C12orf42: variants seen among roughly 807,000 people sequenced by gnomAD.
The protein encoded by C12orf42 is chromosome 12 open reading frame 42, also known as uncharacterized protein C12orf42.
A neutral mutation model predicts 21.6 loss-of-function variants in C12orf42; 25 were observed. The ratio of observed to expected loss-of-function variants is 1.16; its 90% CI spans 0.84 to 1.62. The LOEUF is 1.62. Ranked by LOEUF, C12orf42 falls within the 40% of genes most tolerant of loss-of-function variation. C12orf42 has a pLI of 0.00. For synonymous variants in C12orf42, 174 were observed against 175.0 expected (o/e 0.99, Z 0.05); for missense variants, 483 against 459.3 (o/e 1.05, Z -0.47).
intron 2 of C12orf42, among the ~76,000 whole-genome samples, chr12:103,435,746 C>A (rs1328446367): frequency 6.6e-6 from 1 of 151,894 alleles, no homozygotes; most frequent in Non-Finnish European, 1.5e-5. Flanking sequence ...AAATATGGGA[C>A]TATGTGAAAA....
At chr12:103,464,749 G>A (rs900618529) in intron 2 of C12orf42, among the ~76,000 whole-genome samples, 40 of 152,238 alleles carry the variant, frequency 2.6e-4, no homozygotes, top group South Asian at 1.7e-3. Flanking sequence ...TGTACAAGGC[G>A]TAAGGAAGGG....
chr12:103,331,135 T>C (rs934478490), intron 4 of C12orf42, among the ~76,000 whole-genome samples: 4 of 152,212 alleles, frequency 2.6e-5, no homozygotes, highest in African/African-American at 9.7e-5. Context: ...ATTTAATATA[T>C]CTAACTTACT....
chr12:103,163,507 AAG>A, the C12orf42 span, among the ~76,000 whole-genome samples: 1 of 152,178 alleles, frequency 6.6e-6, no homozygotes, highest in African/African-American at 2.4e-5. Flanking sequence ...TGAGCTCAGA[AAG>A]AGAGAACTAG....
intron 3 of C12orf42, among the ~76,000 whole-genome samples, chr12:103,375,596 T>C (rs1000296537): frequency 3.3e-5 from 5 of 152,204 alleles, no homozygotes; most frequent in Non-Finnish European, 5.9e-5. Flanking sequence ...TATTGCATCA[T>C]AGAAAATTAT....
the C12orf42 span, among the ~76,000 whole-genome samples, chr12:103,225,878 T>C: frequency 6.6e-6 from 1 of 152,060 alleles, no homozygotes; most frequent in African/African-American, 2.4e-5. Context: ...ACTGTGAGAG[T>C]TACCCGAAGC....
At chr12:103,415,755 C>A (rs764957384) in intron 2 of C12orf42, among the ~76,000 whole-genome samples, 20 of 152,134 alleles carry the variant, frequency 1.3e-4, no homozygotes, top group Non-Finnish European at 2.1e-4. Flanking sequence ...TGCCAAAAAT[C>A]AGACTGTAAG....
intron 4 of C12orf42, among the ~76,000 whole-genome samples, chr12:103,294,428 G>GAGAAAGAAAGAAAGAAAGAAAGAA (rs58968326): frequency 3.5e-4 from 34 of 96,078 alleles, no homozygotes; most frequent in Non-Finnish European, 4.8e-4. Flanking sequence ...AAAGGAGAGA[G>GAGAAAGAAAGAAAGAAAGAAAGAA]AGAAAGAAAG....
rs1267702568 is a variant in C12orf42 at position 103,445,895 on chromosome 12, C to T, written c.78+32454G>A. 2.0e-5 allele frequency among the ~76,000 whole-genome samples: 3 copies of T among 151,812 alleles called. No homozygotes were observed. The East Asian group carries it at 5.8e-4, about 29-fold the overall frequency. On this transcript the variant is annotated intron_variant, in intron 2 of 5. Transcript: ENST00000548883. ...AGAGATTTGTCATTTTTATTTAAGT[C>T]TCTTATTGCTCTTGAATTGGTTTTT...
At chr12:103,489,245 C>T (rs768314871) in intron 1 of C12orf42, among the ~76,000 whole-genome samples, 1 of 152,208 alleles carries the variant, frequency 6.6e-6, no homozygotes, top group Admixed American at 6.5e-5. Context: ...GAGGTCCACT[C>T]CAGACCCTGT....
At chr12:103,151,484 A>T in the C12orf42 span, among the ~76,000 whole-genome samples, 1 of 152,208 alleles carries the variant, frequency 6.6e-6, no homozygotes, top group African/African-American at 2.4e-5. Context: ...AAATTATTTT[A>T]AAATTAAGTT....
the C12orf42 span, among the ~76,000 whole-genome samples, chr12:103,213,819 C>T: frequency 6.6e-6 from 1 of 152,120 alleles, no homozygotes; most frequent in Non-Finnish European, 1.5e-5. Context: ...CTGTCTTTTC[C>T]CCATAATTTG....
intron 4 of C12orf42, among the ~76,000 whole-genome samples, chr12:103,338,086 A>ATAGG (rs2137176288): frequency 6.6e-6 from 1 of 152,340 alleles, no homozygotes; most frequent in African/African-American, 2.4e-5. Flanking sequence ...ATTTTGGGAA[A>ATAGG]TAGGTTTCCA....
chr12:103,404,025 T>C (rs2048239066), intron 2 of C12orf42, among the ~76,000 whole-genome samples: 1 of 152,214 alleles, frequency 6.6e-6, no homozygotes, highest in Non-Finnish European at 1.5e-5. Context: ...TGACCATCTA[T>C]ACAAAGCAGT....
chr12:103,118,594 C>T, the C12orf42 span, among the ~76,000 whole-genome samples: 2,110 of 151,888 alleles, frequency 0.014, 87 homozygotes, highest in Admixed American at 0.076. Flanking sequence ...GTCAGGAGAT[C>T]GAGACCATCC....
At chr12:103,183,180 C>T in the C12orf42 span, among the ~76,000 whole-genome samples, 1 of 152,234 alleles carries the variant, frequency 6.6e-6, no homozygotes, top group South Asian at 2.1e-4. Flanking sequence ...CACCCAGGTT[C>T]AACAGATTCT....
the C12orf42 span, among the ~76,000 whole-genome samples, chr12:103,084,759 T>C: frequency 6.6e-6 from 1 of 152,196 alleles, no homozygotes; most frequent in African/African-American, 2.4e-5. Flanking sequence ...TTTGGTACAA[T>C]GACAGTAACA....
At chr12:103,198,597 G>T in the C12orf42 span, among the ~76,000 whole-genome samples, 5 of 152,248 alleles carry the variant, frequency 3.3e-5, no homozygotes, top group East Asian at 1.9e-4. Context: ...TCCTGTCACT[G>T]CTGACTCTGC....
At chr12:103,340,229 C>T (rs2042051262) in intron 4 of C12orf42, among the ~76,000 whole-genome samples, 1 of 152,170 alleles carries the variant, frequency 6.6e-6, no homozygotes, top group Non-Finnish European at 1.5e-5. Context: ...GAGGGTCCCC[C>T]TCAAGTATTC....
At chr12:103,053,471 G>T in the C12orf42 span, among the ~76,000 whole-genome samples, 220 of 151,892 alleles carry the variant, frequency 1.4e-3, no homozygotes, top group African/African-American at 5.3e-3. Context: ...TGTTGGATTT[G>T]AGAGTTCTTC....
Sources: allele counts gnomAD v4.1 joint callset (sites outside exome capture counted in the v4.1 genomes callset), GRCh38; gene constraint gnomAD v4.1.1; transcripts MANE v1.5; gene names NCBI Gene and HGNC (gene_info 2026-07-23, HGNC 2026-07-21).